CHIC2: variants seen among roughly 807,000 people sequenced by gnomAD.
CHIC2 encodes the protein cysteine-rich hydrophobic domain-containing protein 2.
Under a neutral mutation model 25.9 loss-of-function variants are expected in CHIC2, and 14 were observed. The ratio of observed to expected loss-of-function variants is 0.54; its 90% CI spans 0.36 to 0.85. The LOEUF (loss-of-function observed/expected upper bound fraction) is 0.85. Among genes scored for constraint, CHIC2 ranks in the 40% least tolerant of loss-of-function variants. CHIC2 has a pLI of 0.01. For synonymous variants in CHIC2, 70 were observed against 72.0 expected, an observed-to-expected ratio of 0.97 and a Z score of 0.14; for missense variants, 146 against 202.0, an observed-to-expected ratio of 0.72 and a Z score of 1.68.
At chr4:54,090,933 C>G in the CHIC2 span, among the ~76,000 whole-genome samples, 1 of 151,984 alleles carries the variant, frequency 6.6e-6, no homozygotes, top group African/African-American at 2.4e-5. Context: ...ATTTTGCAAG[C>G]TGGTTACACA....
chr4:54,065,444 G>A, upstream of CHIC2: 1 of 332,020 alleles, frequency 3.0e-6, no homozygotes, highest in Non-Finnish European at 4.3e-6. Flanking sequence ...AGACCTGAAA[G>A]AAAGGGCAGA....
intron 3 of CHIC2, among the ~76,000 whole-genome samples, chr4:54,018,920 A>G (rs1017781372): frequency 6.6e-6 from 1 of 151,974 alleles, no homozygotes; most frequent in Admixed American, 6.6e-5. Context: ...TGCATTAATT[A>G]ACCTTTAACT....
In CHIC2 at chr4:54,064,402, C is replaced by A; in HGVS notation, c.-102G>T. On this transcript the variant is annotated 5_prime_UTR_variant, in exon 1 of 6. Transcript: ENST00000263921. The surrounding 1 kb of genome is among the most constrained non-coding windows in gnomAD (Gnocchi z 4.2). ...GGAGGCTGAGGGGAGTCGCCGCTGC[C>A]GCCGGCTCCGAGGCCGCGGAGTTCG... 6.5e-7 allele frequency: 1 copy of A among 1,546,024 alleles called. No individual in the cohort carries two copies. Among genetic ancestry groups the A allele is most frequent in the East Asian group, 2.4e-5 (1 of 41,202 alleles).
At chr4:54,077,610 T>C in the CHIC2 span, among the ~76,000 whole-genome samples, 2 of 152,204 alleles carry the variant, frequency 1.3e-5, no homozygotes, top group Non-Finnish European at 1.5e-5. Context: ...TTGCTGAGGA[T>C]GAGCATAGTC....
chr4:54,066,885 G>C (rs778524406), upstream of CHIC2, among the ~76,000 whole-genome samples: 54 of 152,162 alleles, frequency 3.5e-4, no homozygotes, highest in Non-Finnish European at 7.2e-4. Flanking sequence ...CCTGGCTGTG[G>C]CTGAGAATTC....
chr4:54,086,697 A>C, the CHIC2 span, among the ~76,000 whole-genome samples: 1 of 152,190 alleles, frequency 6.6e-6, no homozygotes, highest in African/African-American at 2.4e-5. Flanking sequence ...GCAGCTAGAA[A>C]GATCTGGATT....
intron 3 of CHIC2, among the ~76,000 whole-genome samples, chr4:54,030,370 T>A (rs1716187716): frequency 6.6e-6 from 1 of 151,520 alleles, no homozygotes. Flanking sequence ...TGTTTTGTTT[T>A]AAATTGGCCA....
In CHIC2 at chr4:54,064,553, C is replaced by G; in HGVS notation, c.-253G>C. Reference sequence around the variant, plus strand: ...AACATCCGCCCAGAGGCCGACACCTCCACAAGCACAGACGCCGCTGCCGCC... The same window carrying G: ...AACATCCGCCCAGAGGCCGACACCTGCACAAGCACAGACGCCGCTGCCGCC... On this transcript the variant is annotated 5_prime_UTR_variant, in exon 1 of 6. Coordinates refer to ENST00000263921, the MANE Select transcript of CHIC2 (RefSeq NM_012110.4). The surrounding 1 kb of genome is among the most constrained non-coding windows in gnomAD (Gnocchi z 4.2). The G allele has an allele frequency of 7.6e-7, 1 of 1,320,212 alleles. No homozygotes were observed. The allele number at this position is 1,320,212 out of a possible 1,614,324, so 81.8% of individuals were successfully genotyped here. A position where few individuals can be genotyped will look rare whatever the true frequency, so the allele number is the denominator to read the frequency against.
At chr4:54,062,872 T>C (rs905285088) in intron 1 of CHIC2, among the ~76,000 whole-genome samples, 8 of 152,258 alleles carry the variant, frequency 5.3e-5, no homozygotes, top group Non-Finnish European at 8.8e-5. Context: ...CCATGATATT[T>C]GGTTATACTT....
Position 54,040,962 on chromosome 4 carries a change from G to A in CHIC2, c.330+7993C>T, listed in dbSNP as rs149297693. The stretch of plus-strand genomic sequence containing the variant: ...TCAGGTCATAAAAAGAGGGCACTAA[G>A]TTGGGGATAGATTTTTTTTTTTTTT... On this transcript the variant is annotated intron_variant, in intron 3 of 5. Coordinates refer to ENST00000263921, the MANE Select transcript of CHIC2 (RefSeq NM_012110.4). Among the ~76,000 whole-genome samples the A allele has an allele frequency of 8.1e-4, 121 of 150,258 alleles. 1 individual carries two copies. Among genetic ancestry groups the A allele is most frequent in the African/African-American group, 2.9e-3 (117 of 40,680 alleles).
chr4:54,088,511 G>A, the CHIC2 span, among the ~76,000 whole-genome samples: 8 of 152,320 alleles, frequency 5.3e-5, no homozygotes, highest in South Asian at 1.0e-3. Flanking sequence ...GAAGTAAGAC[G>A]TGTGAGCTTG....
Position 54,064,035 on chromosome 4 carries a change from A to C in CHIC2, c.119+147T>G. On this transcript the variant is annotated intron_variant, in intron 1 of 5. Coordinates refer to ENST00000263921, the MANE Select transcript of CHIC2 (RefSeq NM_012110.4). This position sits in a 1 kb window ranked among gnomAD's most constrained non-coding sequence, Gnocchi z 4.2. ...CCCACTTCGGAGACCCAAACAAATG[A>C]AAATAAGCCAAGTTCTCACTTCCTG... is the stretch of plus-strand genomic sequence containing the variant. 1 of 669,074 alleles carries C rather than the reference A, an allele frequency of 1.5e-6. No individual in the cohort carries two copies. 41.4% of individuals were successfully genotyped at this position (669,074 alleles called of 1,614,324 possible). A position where few individuals can be genotyped will look rare whatever the true frequency, so the allele number is the denominator to read the frequency against.
chr4:54,063,270 T>C (rs543369429), intron 1 of CHIC2, among the ~76,000 whole-genome samples: 2 of 152,336 alleles, frequency 1.3e-5, no homozygotes, highest in South Asian at 2.1e-4. Context: ...GTCTGATCTA[T>C]TATTTGAACA....
intron 1 of CHIC2, among the ~76,000 whole-genome samples, chr4:54,056,232 T>C (rs1334891615): frequency 6.6e-6 from 1 of 152,130 alleles, no homozygotes; most frequent in Non-Finnish European, 1.5e-5. Context: ...AAATGCACAG[T>C]ATAACTAACT....
chr4:54,088,075 C>T, the CHIC2 span, among the ~76,000 whole-genome samples: 4 of 152,214 alleles, frequency 2.6e-5, no homozygotes, highest in East Asian at 7.7e-4. Flanking sequence ...GGTTCTACCC[C>T]TTTGACACTA....
chr4:54,080,942 GTATATA>G, the CHIC2 span, among the ~76,000 whole-genome samples: 9,316 of 100,694 alleles, frequency 0.093, 428 homozygotes, highest in Admixed American at 0.11. Context: ...ATGTGTGTGT[GTATATA>G]TATATATATA....
the CHIC2 span, chr4:54,087,721 G>T: frequency 1.9e-6 from 1 of 526,176 alleles, no homozygotes; most frequent in Non-Finnish European, 3.4e-6. Context: ...AAAGAATTCT[G>T]CATCTCTTTT....
chr4:54,048,406 T>G (rs973547343), intron 3 of CHIC2, among the ~76,000 whole-genome samples: 4 of 152,200 alleles, frequency 2.6e-5, no homozygotes, highest in Non-Finnish European at 5.9e-5. Context: ...CAGAAAAGAA[T>G]GTCCCATAAT....
intron 3 of CHIC2, among the ~76,000 whole-genome samples, chr4:54,020,817 C>T (rs1229585771): frequency 6.6e-6 from 1 of 152,200 alleles, no homozygotes; most frequent in Non-Finnish European, 1.5e-5. Context: ...AGACAGCCTT[C>T]CCTTGGTGTT....
Sources: gnomAD v4.1 joint callset for allele counts (sites outside exome capture counted in the v4.1 genomes callset) on GRCh38, gnomAD v4.1.1 for gene constraint, Gnocchi (gnomAD v3.1) non-coding constraint, MANE v1.5 for transcripts, NCBI Gene and HGNC (gene_info 2026-07-23, HGNC 2026-07-21) for gene names.